The following COL24A1 variants were observed in gnomAD, a reference collection of about 807,000 sequenced individuals.
COL24A1 encodes the protein collagen alpha-1(XXIV) chain.
In COL24A1, 224 loss-of-function variants were observed where a neutral mutation model predicts 253.9. The observed-to-expected ratio is 0.88, with a 90% CI of 0.79 to 0.99. COL24A1 has a LOEUF of 0.99. Ranked by LOEUF, COL24A1 falls within the 50% of genes least tolerant of loss-of-function variation. The probability of loss-of-function intolerance (pLI) is 0.00; values close to 1 mark genes in which losing one functional copy is unlikely to be tolerated. For synonymous variants in COL24A1, 685 were observed against 673.7 expected (o/e 1.02, Z -0.26); for missense variants, 2,131 against 2,068.5 (o/e 1.03, Z -0.59).
Position 86,115,373 on chromosome 1 carries a change from T to G in COL24A1, c.1497A>C (p.Pro499=), listed in dbSNP as rs762812581. The stretch of plus-strand genomic sequence containing the variant: ...GACCTGGGATACCTGCTGGACCAGG[T>G]GGACCCTTGGAAAACAAATGTCAAG... ...GPKGDTGPPG[P]PGPAGIPGPS... is the part of the protein sequence containing the mutation. Residue 499 remains proline (P), a synonymous_variant, in exon 4 of 60, where the codon CCA becomes CCC. Transcript: ENST00000370571. 20 of 1,613,900 alleles carry G rather than the reference T, an allele frequency of 1.2e-5. No individual in the cohort carries two copies. Among genetic ancestry groups the G allele is most frequent in the Admixed American group, 3.3e-5 (2 of 59,970 alleles).
intron 47 of COL24A1, among the ~76,000 whole-genome samples, chr1:85,796,027 A>T (rs1670768693): frequency 2.0e-5 from 3 of 152,210 alleles, no homozygotes; most frequent in Non-Finnish European, 4.4e-5. Context: ...ATAATGTAGC[A>T]TTCATAATAT....
intron 4 of COL24A1, among the ~76,000 whole-genome samples, chr1:86,114,831 A>G (rs1176834143): frequency 6.6e-6 from 1 of 152,238 alleles, no homozygotes; most frequent in Non-Finnish European, 1.5e-5. Flanking sequence ...ACTAATTTTA[A>G]CATAGCAATA....
At chr1:85,804,347 T>C (rs1242661291) in intron 47 of COL24A1, among the ~76,000 whole-genome samples, 1 of 152,170 alleles carries the variant, frequency 6.6e-6, no homozygotes, top group African/African-American at 2.4e-5. Context: ...TCAGCAGAAC[T>C]GCACAAGAGG....
chr1:86,145,609 T>C (rs1418145034), intron 2 of COL24A1, among the ~76,000 whole-genome samples: 4 of 152,110 alleles, frequency 2.6e-5, no homozygotes, highest in Non-Finnish European at 5.9e-5. Flanking sequence ...ATCATCATAC[T>C]ACCAGAGTAA....
At chr1:85,866,856 T>A (rs887446124) in intron 37 of COL24A1, among the ~76,000 whole-genome samples, 1 of 152,142 alleles carries the variant, frequency 6.6e-6, no homozygotes, top group African/African-American at 2.4e-5. Context: ...ATCACAGTTC[T>A]CCAGGTCTGA....
chr1:85,869,534 G>C (rs773635257), intron 35 of COL24A1, among the ~76,000 whole-genome samples: 35 of 152,148 alleles, frequency 2.3e-4, no homozygotes, highest in Non-Finnish European at 4.4e-4. Context: ...GAGAGTGGGG[G>C]CCAACATTCA....
At chr1:85,782,895 AAAC>A (rs1316413979) in intron 51 of COL24A1, among the ~76,000 whole-genome samples, 1 of 152,236 alleles carries the variant, frequency 6.6e-6, no homozygotes, top group African/African-American at 2.4e-5. Flanking sequence ...TAAAAACTAA[AAAC>A]AAAACAAAAA....
At position 85,842,069 on chromosome 1, in the gene COL24A1, T is replaced by C; in HGVS notation, c.3569A>G (p.Lys1190Arg). 6.2e-7 allele frequency: 1 copy of C among 1,613,206 alleles called. No homozygotes were observed. The highest frequency in any genetic ancestry group is 8.5e-7 in the Non-Finnish European group (1 of 1,179,306). Residue 1190 changes from lysine to arginine, a missense_variant and splice_region_variant, in exon 41 of 60, where the codon AAG becomes AGG. By Grantham distance (26) the Lys-to-Arg change is conservative (BLOSUM62 2). Coordinates refer to ENST00000370571, the MANE Select transcript of COL24A1 (RefSeq NM_152890.7). ...TAAAAAGCCAATATATACACAAACC[T>C]TTTCTCCTTTAGGTCCTGGCAATCC... The part of the protein sequence containing the change: ...PSGLPGPKGE[K>R]GYPGEDSTVL...
At chr1:86,130,086 C>A (rs769159844) in intron 2 of COL24A1, among the ~76,000 whole-genome samples, 1 of 151,766 alleles carries the variant, frequency 6.6e-6, no homozygotes, top group Non-Finnish European at 1.5e-5. Context: ...TTGAGTACTG[C>A]ACCTTTCAGA....
intron 2 of COL24A1, among the ~76,000 whole-genome samples, chr1:86,136,585 A>G (rs917736786): frequency 3.9e-5 from 6 of 152,102 alleles, no homozygotes; most frequent in Admixed American, 3.3e-4. Context: ...AAATCTCTGA[A>G]GCACAGAGAG....
At chr1:85,938,738 T>C (rs1209468498) in intron 24 of COL24A1, among the ~76,000 whole-genome samples, 1 of 146,654 alleles carries the variant, frequency 6.8e-6, no homozygotes, top group East Asian at 2.2e-4. Flanking sequence ...GCTTCATGGT[T>C]TGCCTTAGTT....
chr1:86,116,983 G>A (rs1706208244), intron 3 of COL24A1, among the ~76,000 whole-genome samples: 1 of 151,986 alleles, frequency 6.6e-6, no homozygotes, highest in Non-Finnish European at 1.5e-5. Flanking sequence ...AGTTAATTCT[G>A]GTCCTGTTGT....
intron 32 of COL24A1, among the ~76,000 whole-genome samples, chr1:85,883,106 T>A (rs187947126): frequency 4.6e-5 from 7 of 152,342 alleles, no homozygotes; most frequent in African/African-American, 1.7e-4. Context: ...ATATCAACTG[T>A]GGACTGCGTT....
At chr1:86,037,942 A>G (rs1378269724) in intron 12 of COL24A1, among the ~76,000 whole-genome samples, 3 of 152,114 alleles carry the variant, frequency 2.0e-5, no homozygotes, top group African/African-American at 7.2e-5. Context: ...TCTACTTTCT[A>G]TTACAAATTA....
In COL24A1 at chr1:85,895,887, G is replaced by C. The variant is rs554002514; in HGVS notation, c.2893C>G (p.Pro965Ala). The change falls in exon 31 of 60, where the codon CCT becomes GCT. Residue 965 changes from proline (P) to alanine (A), a missense_variant. Pro to Ala is a conservative substitution (Grantham distance 27, BLOSUM62 -1). Coordinates refer to ENST00000370571, the MANE Select transcript of COL24A1 (RefSeq NM_152890.7). The part of the protein sequence containing the change: ...PHGLIGKTGN[P>A]GERGFQGKPG... ...TTCCCTTGAAATCCTCTTTCTCCAGGGTTTCCAGTCTTACCCTACATGAGA... is the reference window on the plus strand; with the variant it reads ...TTCCCTTGAAATCCTCTTTCTCCAGCGTTTCCAGTCTTACCCTACATGAGA... 15 of 1,608,850 alleles carry C rather than the reference G, an allele frequency of 9.3e-6. No individual in the cohort carries two copies. The highest frequency in any genetic ancestry group is 3.3e-5 in the South Asian group (3 of 89,792).
At chr1:85,836,283 TCAGAAGGG>T (rs1370137828) in intron 43 of COL24A1, among the ~76,000 whole-genome samples, 1 of 152,212 alleles carries the variant, frequency 6.6e-6, no homozygotes, top group Non-Finnish European at 1.5e-5. Context: ...AGCCAAGAAT[TCAGAAGGG>T]CAGAAGAAAA....
intron 3 of COL24A1, among the ~76,000 whole-genome samples, chr1:86,120,091 G>A (rs1015877373): frequency 3.3e-5 from 5 of 152,190 alleles, no homozygotes; most frequent in Non-Finnish European, 7.4e-5. Flanking sequence ...CTAGCCATAT[G>A]TAGAAAGCTG....
intron 56 of COL24A1, 112 bp from the exon 57 acceptor site, chr1:85,744,946 T>C (rs1665051683): frequency 1.3e-6 from 1 of 749,578 alleles, no homozygotes; most frequent in African/African-American, 1.8e-5. Context: ...GAGTAGAATG[T>C]AAAGAACAGT....
chr1:86,020,905 G>A (rs988832199), intron 18 of COL24A1, among the ~76,000 whole-genome samples: 4 of 152,054 alleles, frequency 2.6e-5, no homozygotes, highest in African/African-American at 7.2e-5. Context: ...GAGGGTACAC[G>A]GCTTATTAGG....
Sources: gnomAD v4.1 joint callset for allele counts (sites outside exome capture counted in the v4.1 genomes callset) on GRCh38, gnomAD v4.1.1 for gene constraint, MANE v1.5 for transcripts, NCBI Gene and HGNC (gene_info 2026-07-23, HGNC 2026-07-21) for gene names.